Variants in CPED1 observed in about 807,000 individuals in gnomAD.
CPED1 encodes the protein cadherin-like and PC-esterase domain-containing protein 1.
In CPED1, 114 loss-of-function variants were observed where a neutral mutation model predicts 128.2. The ratio of observed to expected loss-of-function variants is 0.89; its 90% CI spans 0.76 to 1.04. The LOEUF (loss-of-function observed/expected upper bound fraction) is 1.04, where lower values mean the gene tolerates loss of function less well. Ranked by LOEUF, CPED1 falls within the 50% of genes least tolerant of loss-of-function variation. CPED1 has a pLI of 0.00. For missense variants in CPED1, 1,211 were observed against 1,207.1 expected (o/e 1.00, Z -0.05); for synonymous variants, 462 against 426.7 (o/e 1.08, Z -1.02).
intron 16 of CPED1, among the ~76,000 whole-genome samples, chr7:121,198,397 C>T (rs1185557528): frequency 2.0e-5 from 3 of 152,046 alleles, no homozygotes; most frequent in Non-Finnish European, 4.4e-5. Flanking sequence ...TGCTATGCTT[C>T]TGTGTGAAAG....
chr7:121,260,437 A>G (rs1277707368), intron 18 of CPED1, among the ~76,000 whole-genome samples: 2 of 151,800 alleles, frequency 1.3e-5, no homozygotes, highest in African/African-American at 4.8e-5. Flanking sequence ...TCATGACCTA[A>G]ATATCATTAG....
intron 16 of CPED1, among the ~76,000 whole-genome samples, chr7:121,175,377 T>G (rs1425639328): frequency 6.6e-6 from 1 of 152,032 alleles, no homozygotes; most frequent in East Asian, 1.9e-4. Context: ...TCTCAAGAGA[T>G]GCAGAAAAAC....
intron 8 of CPED1, among the ~76,000 whole-genome samples, chr7:121,125,260 C>G (rs1795476332): frequency 6.6e-6 from 1 of 151,782 alleles, no homozygotes; most frequent in African/African-American, 2.4e-5. Context: ...AATATGACAC[C>G]AAATAAGAGT....
At chr7:121,245,445 A>G (rs750106222) in intron 18 of CPED1, among the ~76,000 whole-genome samples, 27 of 152,176 alleles carry the variant, frequency 1.8e-4, no homozygotes, top group Non-Finnish European at 3.8e-4. Flanking sequence ...AAATCCCACC[A>G]GACTGTAAGC....
At chr7:121,251,010 A>G (rs1474644771) in intron 18 of CPED1, among the ~76,000 whole-genome samples, 2 of 152,090 alleles carry the variant, frequency 1.3e-5, no homozygotes, top group Non-Finnish European at 2.9e-5. Context: ...GAGACACAAC[A>G]AAAAAAGAGA....
intron 3 of CPED1, among the ~76,000 whole-genome samples, chr7:121,039,865 A>C (rs1793004529): frequency 6.6e-6 from 1 of 152,090 alleles, no homozygotes; most frequent in Admixed American, 6.6e-5. Flanking sequence ...TTCACAACAA[A>C]AATCTTTTCT....
intron 22 of CPED1, among the ~76,000 whole-genome samples, chr7:121,283,197 C>A (rs1792496651): frequency 6.6e-6 from 1 of 152,156 alleles, no homozygotes; most frequent in Admixed American, 6.5e-5. Context: ...TTTATGGTCA[C>A]TGGATTTATG....
rs572566263 is a variant in CPED1 at position 121,035,888 on chromosome 7, T to A, written c.434-10999T>A. On this transcript the variant is annotated intron_variant, in intron 3 of 22. Transcript: ENST00000310396. ...TAAAAAGGAGGAAGAGCGGGTCTTT[T>A]CGTGGGAGATAATGGGTTCAAATTT... Among the ~76,000 whole-genome samples, 11 of 150,822 alleles carry A rather than the reference T, an allele frequency of 7.3e-5. No individual in the cohort carries two copies. In the East Asian group the frequency reaches 2.2e-3, roughly 30 times the overall value.
chr7:121,074,929 A>T (rs756728676), intron 5 of CPED1, among the ~76,000 whole-genome samples: 13 of 152,130 alleles, frequency 8.5e-5, no homozygotes, highest in Non-Finnish European at 1.6e-4. Context: ...TGATGGCTTT[A>T]TGAATTTTAT....
chr7:121,019,886 CTGTTTAGTAAA>C (rs1792392724), intron 3 of CPED1, among the ~76,000 whole-genome samples: 1 of 151,972 alleles, frequency 6.6e-6, no homozygotes, highest in African/African-American at 2.4e-5. Flanking sequence ...CATGTAAGTG[CTGTTTAGTAAA>C]TCAATGCTTC....
At chr7:121,023,520 A>C (rs1792495014) in intron 3 of CPED1, among the ~76,000 whole-genome samples, 1 of 152,164 alleles carries the variant, frequency 6.6e-6, no homozygotes, top group African/African-American at 2.4e-5. Context: ...GTACAATATA[A>C]GACTCAAACA....
intron 16 of CPED1, among the ~76,000 whole-genome samples, chr7:121,166,645 A>C (rs544835892): frequency 6.6e-6 from 1 of 152,160 alleles, no homozygotes; most frequent in Non-Finnish European, 1.5e-5. Context: ...AAGGATATTT[A>C]TCTTAGAATT....
intron 7 of CPED1, among the ~76,000 whole-genome samples, chr7:121,119,118 T>G (rs1367182068): frequency 6.7e-6 from 1 of 148,206 alleles, no homozygotes; most frequent in Non-Finnish European, 1.5e-5. Flanking sequence ...ACCAATAATT[T>G]AAACTATTTG....
In CPED1 at chr7:121,111,799, A is replaced by C. The variant is rs183820943; in HGVS notation, c.918+11705A>C. Among the ~76,000 whole-genome samples, 80 of 152,330 alleles carry C rather than the reference A, an allele frequency of 5.3e-4. No homozygotes were observed. In the East Asian group the frequency reaches 0.014, roughly 26 times the overall value. ...ATGCGGGCTCCATTTCAAAAAGAGG[A>C]GAAATGAAGACAAAATTTAAACAAT... On this transcript the variant is annotated intron_variant, in intron 7 of 22. Coordinates refer to ENST00000310396, the MANE Select transcript of CPED1 (RefSeq NM_024913.5).
At chr7:121,161,746 T>C (rs979662197) in intron 16 of CPED1, among the ~76,000 whole-genome samples, 1 of 152,182 alleles carries the variant, frequency 6.6e-6, no homozygotes, top group African/African-American at 2.4e-5. Context: ...AATAAAGTTT[T>C]AGTGAAAATG....
In CPED1 at chr7:121,007,967, G is replaced by GTTTTCTTTTC. The variant is rs3067977; in HGVS notation, c.250-7689_250-7680dup. Among the ~76,000 whole-genome samples the GTTTTCTTTTC allele has an allele frequency of 9.5e-4, 143 of 150,694 alleles. No homozygotes were observed. The South Asian group carries it at 0.013, about 14-fold the overall frequency. On this transcript the variant is annotated intron_variant, in intron 2 of 22. Coordinates refer to ENST00000310396, the MANE Select transcript of CPED1 (RefSeq NM_024913.5). ...TTTAGTGACTCAGGTTACTTTCACTGTTTTCTTTTCTTTTCTTTCTTTCTT... is the reference window on the plus strand; with the variant it reads ...TTTAGTGACTCAGGTTACTTTCACTGTTTTCTTTTCTTTTCTTTTCTTTTCTTTCTTTCTT...
intron 2 of CPED1, among the ~76,000 whole-genome samples, chr7:120,998,703 CT>C (rs1796451494): frequency 6.6e-6 from 1 of 152,094 alleles, no homozygotes; most frequent in South Asian, 2.1e-4. Flanking sequence ...AAGCTGTTGC[CT>C]TTTCACAGTA....
intron 4 of CPED1, among the ~76,000 whole-genome samples, chr7:121,053,176 G>C (rs374860917): frequency 2.0e-5 from 3 of 152,004 alleles, no homozygotes; most frequent in Non-Finnish European, 4.4e-5. Context: ...GGATACGAAC[G>C]GTTAACTCAG....
chr7:121,138,806 G>A (rs1191854627), intron 14 of CPED1, among the ~76,000 whole-genome samples: 9 of 151,910 alleles, frequency 5.9e-5, no homozygotes, highest in Admixed American at 5.9e-4. Flanking sequence ...TTGTGCCTGG[G>A]TAATGGTCAT....
Sources: gnomAD v4.1 joint callset for allele counts (sites outside exome capture counted in the v4.1 genomes callset) on GRCh38, gnomAD v4.1.1 for gene constraint, MANE v1.5 for transcripts, NCBI Gene and HGNC (gene_info 2026-07-23, HGNC 2026-07-21) for gene names.